The following SATB2 variants were observed in gnomAD, a reference collection of about 807,000 sequenced individuals.
SATB2 encodes DNA-binding protein SATB2.
In SATB2, 1 loss-of-function variant was observed where a neutral mutation model predicts 73.4. The ratio of observed to expected loss-of-function variants is 0.01; its 90% CI spans 0.00 to 0.06. The LOEUF (loss-of-function observed/expected upper bound fraction) is 0.06, where lower values mean the gene tolerates loss of function less well. SATB2 is among the 10% of genes least tolerant of loss of function. The probability of loss-of-function intolerance (pLI) is 1.00; values close to 1 mark genes in which losing one functional copy is unlikely to be tolerated. For missense variants in SATB2, 459 were observed against 945.8 expected (o/e 0.49, Z 6.75); for synonymous variants, 397 against 367.0 (o/e 1.08, Z -0.93).
At position 199,455,757 on chromosome 2, in the gene SATB2, A is replaced by C; in HGVS notation, c.169+112T>G. 8.1e-7 allele frequency: 1 copy of C among 1,230,478 alleles called. No individual in the cohort carries two copies. The highest frequency in any genetic ancestry group is 1.1e-6 in the Non-Finnish European group (1 of 876,446). 76.2% of individuals were successfully genotyped at this position (1,230,478 alleles called of 1,614,324 possible). On this transcript the variant is annotated intron_variant, in intron 2 of 10. Coordinates refer to ENST00000417098, the MANE Select transcript of SATB2 (RefSeq NM_001172509.2). The surrounding 1 kb of genome is among the most constrained non-coding windows in gnomAD (Gnocchi z 4.1). Reference sequence around the variant, plus strand: ...CGGGGGCATTATTTGGCAACCTGGAATTCACTTCCTGTAATCCTACACCGC... The same window carrying C: ...CGGGGGCATTATTTGGCAACCTGGACTTCACTTCCTGTAATCCTACACCGC...
chr2:199,462,440 A>T (rs1423484362), upstream of SATB2, among the ~76,000 whole-genome samples: 1 of 152,180 alleles, frequency 6.6e-6, no homozygotes. The surrounding 1 kb of genome is among the most constrained non-coding windows in gnomAD (Gnocchi z 5.9). Context: ...CAGGGGCCAG[A>T]ATACCCCAGT....
intron 7 of SATB2, among the ~76,000 whole-genome samples, chr2:199,343,355 A>G (rs887657085): frequency 6.6e-6 from 1 of 152,268 alleles, no homozygotes; most frequent in African/African-American, 2.4e-5. Flanking sequence ...AAAATATTCA[A>G]TAGACTGAGG....
intron 3 of SATB2, among the ~76,000 whole-genome samples, chr2:199,387,895 G>A (rs996463479): frequency 6.6e-6 from 1 of 152,132 alleles, no homozygotes; most frequent in Non-Finnish European, 1.5e-5. Context: ...TCTCAATGCA[G>A]TATTCTGCCA....
intron 7 of SATB2, among the ~76,000 whole-genome samples, chr2:199,333,926 A>G (rs548395431): frequency 6.6e-6 from 1 of 152,274 alleles, no homozygotes; most frequent in South Asian, 2.1e-4. Context: ...TTCCCTTTGG[A>G]AAAAGCCTCA....
chr2:199,402,341 C>T (rs943676920), intron 3 of SATB2, among the ~76,000 whole-genome samples: 3 of 151,784 alleles, frequency 2.0e-5, no homozygotes, highest in Admixed American at 1.3e-4. Flanking sequence ...GCTGAGATCA[C>T]GCCACTGCAC....
At chr2:199,282,158 G>T (rs2105725392) in intron 10 of SATB2, among the ~76,000 whole-genome samples, 1 of 152,284 alleles carries the variant, frequency 6.6e-6, no homozygotes, top group East Asian at 1.9e-4. Context: ...TGGGATTACA[G>T]GCGTAAACCA....
intron 2 of SATB2, among the ~76,000 whole-genome samples, chr2:199,436,968 T>C (rs569672730): frequency 1.3e-5 from 2 of 150,720 alleles, no homozygotes; most frequent in Non-Finnish European, 3.0e-5. Flanking sequence ...AGGGAGGTGC[T>C]TGAAAAGCAC....
chr2:199,292,613 C>T (rs1311998060), intron 10 of SATB2, among the ~76,000 whole-genome samples: 1 of 152,116 alleles, frequency 6.6e-6, no homozygotes, highest in Non-Finnish European at 1.5e-5. Context: ...GAGAACATGT[C>T]TTGGAATCTG....
chr2:199,343,311 T>C (rs1688560246), intron 7 of SATB2, among the ~76,000 whole-genome samples: 3 of 152,208 alleles, frequency 2.0e-5, no homozygotes, highest in Non-Finnish European at 1.5e-5. Flanking sequence ...AATTTGATAA[T>C]ATATGAATAA....
chr2:199,274,235 C>T (rs1406841835), intron 10 of SATB2, among the ~76,000 whole-genome samples: 1 of 152,080 alleles, frequency 6.6e-6, no homozygotes, highest in Non-Finnish European at 1.5e-5. Context: ...AAAGAAAACA[C>T]GTCTAGTTAC....
upstream of SATB2, chr2:199,458,627 G>A (rs1449812319): frequency 6.8e-6 from 3 of 437,960 alleles, no homozygotes; most frequent in Non-Finnish European, 1.4e-5. Context: ...CAGTCGCTGG[G>A]TGCCGCGTCT....
At chr2:199,428,131 T>C (rs867973447) in intron 3 of SATB2, among the ~76,000 whole-genome samples, 4 of 152,202 alleles carry the variant, frequency 2.6e-5, no homozygotes, top group African/African-American at 9.6e-5. Context: ...ATATGTTCTA[T>C]TTTTGTATCA....
intron 10 of SATB2, among the ~76,000 whole-genome samples, chr2:199,285,883 T>TG (rs1692672560): frequency 6.6e-6 from 1 of 150,686 alleles, no homozygotes; most frequent in Non-Finnish European, 1.5e-5. Flanking sequence ...GTCTGTTTTT[T>TG]TTTTTTTTTT....
At chr2:199,372,741 G>C (rs192339627) in intron 5 of SATB2, among the ~76,000 whole-genome samples, 2 of 152,060 alleles carry the variant, frequency 1.3e-5, no homozygotes, top group Admixed American at 1.3e-4. Context: ...CAATACTTTA[G>C]ACAAAACAAA....
intron 5 of SATB2, among the ~76,000 whole-genome samples, chr2:199,374,784 T>C (rs1288289608): frequency 6.6e-6 from 1 of 152,070 alleles, no homozygotes; most frequent in South Asian, 2.1e-4. Flanking sequence ...GCTAACATGG[T>C]GAAACCTCAT....
At chr2:199,364,841 A>G (rs1689236454) in intron 6 of SATB2, among the ~76,000 whole-genome samples, 1 of 152,130 alleles carries the variant, frequency 6.6e-6, no homozygotes, top group South Asian at 2.1e-4. Flanking sequence ...CATTTAAAAT[A>G]TATAAAAGAT....
At chr2:199,318,016 T>C (rs571315669) in intron 9 of SATB2, among the ~76,000 whole-genome samples, 1 of 152,044 alleles carries the variant, frequency 6.6e-6, no homozygotes, top group Non-Finnish European at 1.5e-5. Flanking sequence ...GAGTGGAAAC[T>C]GGTCCATGAT....
At chr2:199,401,814 G>A (rs763403750) in intron 3 of SATB2, among the ~76,000 whole-genome samples, 1 of 152,088 alleles carries the variant, frequency 6.6e-6, no homozygotes, top group Non-Finnish European at 1.5e-5. Context: ...AGATTAGGAA[G>A]AGCTTTGCAG....
intron 3 of SATB2, among the ~76,000 whole-genome samples, chr2:199,429,604 C>T (rs192092200): frequency 2.8e-4 from 42 of 152,236 alleles, no homozygotes; most frequent in African/African-American, 7.2e-4. Flanking sequence ...TTGCTAAGCA[C>T]GTTTGTTTTA....
Sources: allele counts gnomAD v4.1 joint callset (sites outside exome capture counted in the v4.1 genomes callset), GRCh38; gene constraint gnomAD v4.1.1; non-coding constraint Gnocchi (gnomAD v3.1); transcripts MANE v1.5; gene names NCBI Gene and HGNC (gene_info 2026-07-23, HGNC 2026-07-21).